Variants in IMMP2L observed in about 807,000 individuals in gnomAD.
The protein encoded by IMMP2L is mitochondrial inner membrane protease subunit 2.
In IMMP2L, 18 loss-of-function variants were observed where a neutral mutation model predicts 19.3. That is an observed-to-expected ratio of 0.93 (90% CI 0.64 to 1.38). The LOEUF (loss-of-function observed/expected upper bound fraction) is 1.38. Among genes scored for constraint, IMMP2L ranks in the 40% most tolerant of loss-of-function variants. IMMP2L has a pLI of 0.00. For synonymous variants in IMMP2L, 76 were observed against 73.0 expected (o/e 1.04, Z -0.21); for missense variants, 233 against 218.2 (o/e 1.07, Z -0.43).
intron 3 of IMMP2L, among the ~76,000 whole-genome samples, chr7:111,185,107 T>C (rs997420078): frequency 3.9e-5 from 6 of 152,198 alleles, no homozygotes; most frequent in Non-Finnish European, 8.8e-5. Flanking sequence ...TCATTCCCAC[T>C]AGAAGGAGAA....
chr7:110,921,135 G>A (rs1814230560), intron 4 of IMMP2L, among the ~76,000 whole-genome samples: 2 of 152,186 alleles, frequency 1.3e-5, no homozygotes, highest in South Asian at 4.1e-4. Context: ...ATTTAAGTGA[G>A]ATAAGCTTTG....
chr7:110,858,586 A>G (rs1690890704), intron 5 of IMMP2L, among the ~76,000 whole-genome samples: 1 of 152,030 alleles, frequency 6.6e-6, no homozygotes, highest in Non-Finnish European at 1.5e-5. Context: ...ATCAATTTTA[A>G]AGAACTTTAT....
intron 3 of IMMP2L, among the ~76,000 whole-genome samples, chr7:111,280,642 G>A (rs1423547515): frequency 1.3e-5 from 2 of 152,100 alleles, no homozygotes; most frequent in African/African-American, 2.4e-5. Context: ...ACTTGGTCTA[G>A]GAAGTAACGT....
chr7:110,882,303 T>G (rs1166234263), intron 5 of IMMP2L, among the ~76,000 whole-genome samples: 4 of 100,478 alleles, frequency 4.0e-5, no homozygotes, highest in African/African-American at 1.3e-4. Flanking sequence ...CTTCCTTCCT[T>G]CCTTCCTTCC....
intron 5 of IMMP2L, among the ~76,000 whole-genome samples, chr7:110,744,097 G>A (rs1797166266): frequency 6.6e-6 from 1 of 152,112 alleles, no homozygotes; most frequent in South Asian, 2.1e-4. Context: ...CATTGCTGAG[G>A]CTTAAGTAGG....
chr7:111,524,279 AG>A (rs966570343), intron 1 of IMMP2L, among the ~76,000 whole-genome samples: 1 of 152,070 alleles, frequency 6.6e-6, no homozygotes, highest in Non-Finnish European at 1.5e-5. Context: ...ATAAATCCAA[AG>A]ATTTCAGATT....
chr7:111,132,694 T>A (rs1489200594), intron 3 of IMMP2L, among the ~76,000 whole-genome samples: 2 of 152,044 alleles, frequency 1.3e-5, no homozygotes, highest in Non-Finnish European at 1.5e-5. Flanking sequence ...TATTATAGTT[T>A]AGATGACAGG....
chr7:110,934,384 T>C (rs573397440), intron 4 of IMMP2L, among the ~76,000 whole-genome samples: 1 of 152,194 alleles, frequency 6.6e-6, no homozygotes, highest in Non-Finnish European at 1.5e-5. Flanking sequence ...GTTCAAGTCC[T>C]GAATATCATT....
chr7:111,239,095 C>T (rs917577122), intron 3 of IMMP2L, among the ~76,000 whole-genome samples: 2 of 151,870 alleles, frequency 1.3e-5, no homozygotes, highest in African/African-American at 2.4e-5. Flanking sequence ...TTTGTTGTAA[C>T]AGACCATCTT....
intron 5 of IMMP2L, among the ~76,000 whole-genome samples, chr7:110,820,302 T>C (rs1562998621): frequency 1.3e-5 from 2 of 152,216 alleles, no homozygotes; most frequent in East Asian, 3.9e-4. Context: ...GTGTTTTGTG[T>C]GCATATGTGC....
At chr7:110,688,792 G>A (rs1793293929) in intron 5 of IMMP2L, among the ~76,000 whole-genome samples, 1 of 151,952 alleles carries the variant, frequency 6.6e-6, no homozygotes, top group African/African-American at 2.4e-5. Context: ...AATCTTATTT[G>A]GGACTGCTTT....
At chr7:111,310,778 G>A (rs1217969773) in intron 3 of IMMP2L, among the ~76,000 whole-genome samples, 1 of 152,068 alleles carries the variant, frequency 6.6e-6, no homozygotes, top group African/African-American at 2.4e-5. Context: ...ATAGGAATGG[G>A]GGAAGGATTT....
intron 5 of IMMP2L, among the ~76,000 whole-genome samples, chr7:110,883,205 GAAA>G (rs1809872615): frequency 1.3e-5 from 2 of 152,056 alleles, no homozygotes; most frequent in Non-Finnish European, 2.9e-5. Context: ...TTTAAAACGT[GAAA>G]AATTTTTTGT....
At chr7:111,020,209 C>T (rs1213634172) in intron 3 of IMMP2L, among the ~76,000 whole-genome samples, 1 of 151,292 alleles carries the variant, frequency 6.6e-6, no homozygotes, top group Non-Finnish European at 1.5e-5. Flanking sequence ...CATAGTGAAA[C>T]CTTGCCTCTA....
At chr7:111,484,233 G>A (rs1322809612) in intron 3 of IMMP2L, among the ~76,000 whole-genome samples, 2 of 152,044 alleles carry the variant, frequency 1.3e-5, no homozygotes, top group Non-Finnish European at 2.9e-5. Context: ...AACTGTGTTA[G>A]TATTTTTATT....
chr7:110,720,383 G>A (rs1287157567), intron 5 of IMMP2L, among the ~76,000 whole-genome samples: 1 of 152,142 alleles, frequency 6.6e-6, no homozygotes. Context: ...CTTCAAGGCT[G>A]TTGTAACAAT....
chr7:110,864,708 G>A (rs1482923522), intron 5 of IMMP2L, among the ~76,000 whole-genome samples: 6 of 152,112 alleles, frequency 3.9e-5, no homozygotes, highest in Admixed American at 3.9e-4. Flanking sequence ...TCTTACCTGT[G>A]TATTGCCATA....
At chr7:111,142,836 C>G (rs1489441256) in intron 3 of IMMP2L, among the ~76,000 whole-genome samples, 1 of 152,200 alleles carries the variant, frequency 6.6e-6, no homozygotes, top group Admixed American at 6.5e-5. Context: ...ATGAACAACT[C>G]TCACGGTCCC....
At chr7:111,399,721 A>T (rs557645808) in intron 3 of IMMP2L, among the ~76,000 whole-genome samples, 1 of 152,198 alleles carries the variant, frequency 6.6e-6, no homozygotes, top group African/African-American at 2.4e-5. Flanking sequence ...AGTTGTTTTT[A>T]ACATGTACTA....
Sources: gnomAD v4.1 joint callset for allele counts (sites outside exome capture counted in the v4.1 genomes callset) on GRCh38, gnomAD v4.1.1 for gene constraint, MANE v1.5 for transcripts, NCBI Gene and HGNC (gene_info 2026-07-23, HGNC 2026-07-21) for gene names.